Variants in SEMA3D observed in about 807,000 individuals in gnomAD.
The protein encoded by SEMA3D is semaphorin-3D.
SEMA3D carries 84 observed loss-of-function variants against 100.1 expected under a neutral mutation model. The ratio of observed to expected loss-of-function variants is 0.84; its 90% confidence interval spans 0.70 to 1.01. The LOEUF is 1.01. Ranked by LOEUF, SEMA3D falls within the 50% of genes least tolerant of loss-of-function variation. SEMA3D has a pLI of 0.00. For synonymous variants in SEMA3D, 312 were observed against 320.7 expected, an observed-to-expected ratio of 0.97 and a Z score of 0.29; for missense variants, 875 against 934.1, an observed-to-expected ratio of 0.94 and a Z score of 0.82.
At chr7:85,190,434 C>T (rs1436423103), upstream of SEMA3D, among the ~76,000 whole-genome samples, 4 of 152,060 alleles carry the variant, frequency 2.6e-5, no homozygotes, top group African/African-American at 9.7e-5. Flanking sequence ...CCAAGAAAAT[C>T]GGCGTGTATG....
chr7:85,237,417 T>C, the SEMA3D span, among the ~76,000 whole-genome samples: 2 of 152,224 alleles, frequency 1.3e-5, no homozygotes, highest in Admixed American at 6.5e-5. Flanking sequence ...TTCTCTGCCT[T>C]ACAAATTTTC....
At chr7:85,000,923 A>C (rs1342120023) in intron 18 of SEMA3D, among the ~76,000 whole-genome samples, 1 of 152,218 alleles carries the variant, frequency 6.6e-6, no homozygotes, top group Admixed American at 6.5e-5. Context: ...AAGATTTCCC[A>C]GTTTACACAT....
intron 4 of SEMA3D, among the ~76,000 whole-genome samples, chr7:85,084,619 T>C (rs1225407398): frequency 6.6e-6 from 1 of 152,176 alleles, no homozygotes; most frequent in Non-Finnish European, 1.5e-5. Context: ...TTTTTAACTT[T>C]TACTTTTAAG....
At position 85,186,717 on chromosome 7, in the gene SEMA3D, C is replaced by G. The variant is rs577364379; in HGVS notation, c.-212G>C. ...TCTCTCCCTCTCTCTTTTCCTGGTG[C>G]CTTTTCAGGGAGAGGGGAACGGGAT... On this transcript the variant is annotated 5_prime_UTR_variant, in exon 1 of 19. Transcript: ENST00000284136. 5 of 152,436 alleles carry G rather than the reference C, an allele frequency of 3.3e-5. No individual in the cohort carries two copies. In the South Asian group the frequency reaches 1.0e-3, roughly 32 times the overall value. The allele number at this position is 152,436 out of a possible 1,614,324, so 9.4% of individuals were successfully genotyped here.
chr7:85,181,319 AAC>A (rs3076567), intron 1 of SEMA3D, among the ~76,000 whole-genome samples: 24,726 of 93,368 alleles, frequency 0.26, 2,241 homozygotes, highest in Middle Eastern at 0.43. Context: ...ACATGCTCAC[AAC>A]ACACACACAC....
chr7:85,231,711 A>G, the SEMA3D span, among the ~76,000 whole-genome samples: 233 of 152,006 alleles, frequency 1.5e-3, 1 homozygote, highest in African/African-American at 5.2e-3. Flanking sequence ...CAGCCTCCCA[A>G]AGTGCTGGGA....
At chr7:85,191,339 A>G (rs1488138086), upstream of SEMA3D, among the ~76,000 whole-genome samples, 1 of 152,068 alleles carries the variant, frequency 6.6e-6, no homozygotes, top group South Asian at 2.1e-4. Context: ...TCAATAAACA[A>G]TCCCCAAGGA....
the SEMA3D span, among the ~76,000 whole-genome samples, chr7:85,243,762 C>T: frequency 6.6e-6 from 1 of 152,138 alleles, no homozygotes; most frequent in Non-Finnish European, 1.5e-5. Context: ...CAGTTCTTTT[C>T]AGGAACTCAT....
intron 2 of SEMA3D, among the ~76,000 whole-genome samples, chr7:85,136,192 C>T (rs779133438): frequency 6.0e-4 from 91 of 152,018 alleles, no homozygotes; most frequent in Non-Finnish European, 1.0e-3. Flanking sequence ...TGAAGAGCAA[C>T]GAATTCTTGA....
At position 84,996,181 on chromosome 7, in the gene SEMA3D, A is replaced by G. The variant is rs1789494946; in HGVS notation, c.*3259T>C. 2.6e-5 allele frequency: 4 copies of G among 152,014 alleles called. No individual in the cohort carries two copies. 9.4% of individuals were successfully genotyped at this position (152,014 alleles called of 1,614,324 possible). On this transcript the variant is annotated 3_prime_UTR_variant, in exon 19 of 19. Coordinates refer to ENST00000284136, the MANE Select transcript of SEMA3D (RefSeq NM_001384900.1). The stretch of plus-strand genomic sequence containing the variant: ...TGAATGCTCTTATTATTTTTTGGAC[A>G]GCTGAATGATATCAAGTTGTTCTTG...
intron 1 of SEMA3D, 147 bp from the exon 2 acceptor site, chr7:85,153,886 C>A (rs186978695): frequency 6.6e-6 from 1 of 152,318 alleles, no homozygotes; most frequent in Non-Finnish European, 1.5e-5. Context: ...AAATTCCCTC[C>A]CACTTGTGGG....
intron 5 of SEMA3D, among the ~76,000 whole-genome samples, chr7:85,078,848 A>G (rs1336309494): frequency 1.3e-5 from 2 of 152,210 alleles, no homozygotes; most frequent in African/African-American, 4.8e-5. Context: ...AAAAATTACT[A>G]GAGAGGAAGA....
rs1583971381 is a variant in SEMA3D, at chr7:85,151,594, T to G, written c.-41+2014A>C. On this transcript the variant is annotated intron_variant, in intron 2 of 18. Transcript: ENST00000284136. ...TAGTTGATGTGTGTATGCATGTGTG[T>G]ATGCGTGTGTGTGTGTGTGTGTGTG... 22 of 896,070 alleles carry G rather than the reference T, an allele frequency of 2.5e-5. 1 individual carries two copies. In the South Asian group the frequency reaches 9.1e-4, roughly 37 times the overall value. 55.5% of individuals were successfully genotyped at this position (896,070 alleles called of 1,614,324 possible).
chr7:85,152,348 C>T (rs539519472), intron 2 of SEMA3D, among the ~76,000 whole-genome samples: 3 of 152,108 alleles, frequency 2.0e-5, no homozygotes, highest in Non-Finnish European at 2.9e-5. Context: ...ATTTGATCTC[C>T]GATCACCAAA....
chr7:85,056,837 C>T (rs1201282338), intron 8 of SEMA3D, among the ~76,000 whole-genome samples: 2 of 148,138 alleles, frequency 1.4e-5, no homozygotes, highest in South Asian at 4.2e-4. Flanking sequence ...ATGCTTTTTC[C>T]TCCTCCCACC....
chr7:85,125,025 TCA>T (rs1461687806), intron 2 of SEMA3D, among the ~76,000 whole-genome samples: 6 of 152,098 alleles, frequency 3.9e-5, no homozygotes, highest in Non-Finnish European at 5.9e-5. Context: ...TGCAGCAGAC[TCA>T]CAGCTGTGGC....
chr7:85,144,385 G>A, intron 2 of SEMA3D: 1 of 787,200 alleles, frequency 1.3e-6, no homozygotes, highest in Non-Finnish European at 1.5e-6. Context: ...TAACATAAAA[G>A]TTGAATTTAA....
the SEMA3D span, among the ~76,000 whole-genome samples, chr7:85,223,083 G>A: frequency 6.6e-6 from 1 of 151,928 alleles, no homozygotes; most frequent in Non-Finnish European, 1.5e-5. Context: ...AATTGTCAGA[G>A]AAACGCAAAT....
At chr7:85,040,835 C>T in intron 10 of SEMA3D, 93 bp from the exon 11 acceptor site, 1 of 660,306 alleles carries the variant, frequency 1.5e-6, no homozygotes, top group East Asian at 2.8e-5. Flanking sequence ...AAAATCTAAA[C>T]AGTTTATACG....
Sources: allele counts gnomAD v4.1 joint callset (sites outside exome capture counted in the v4.1 genomes callset), GRCh38; gene constraint gnomAD v4.1.1; transcripts MANE v1.5; gene names NCBI Gene and HGNC (gene_info 2026-07-23, HGNC 2026-07-21).